MMP25: variants seen among roughly 807,000 people sequenced by gnomAD.
MMP25 encodes matrix metalloproteinase-25.
Under a neutral mutation model 62.1 loss-of-function variants are expected in MMP25, and 68 were observed. The observed-to-expected ratio is 1.10, with a 90% CI of 0.90 to 1.34. The LOEUF is 1.34. Among genes scored for constraint, MMP25 ranks in the 40% most tolerant of loss-of-function variants. The pLI, the probability that MMP25 is intolerant of heterozygous loss-of-function variation, is 0.00. For synonymous variants in MMP25, 407 were observed against 345.6 expected (o/e 1.18, Z -1.97); for missense variants, 942 against 792.5 (o/e 1.19, Z -2.26).
At chr16:3,055,863 G>A (rs984273349) in intron 4 of MMP25, 39 of 455,386 alleles carry the variant, frequency 8.6e-5, no homozygotes, top group African/African-American at 2.8e-4. Flanking sequence ...GCTGGCAGGC[G>A]GCTCACCGGT....
chr16:3,049,451 G>A (rs570236976), intron 2 of MMP25, among the ~76,000 whole-genome samples: 7 of 152,286 alleles, frequency 4.6e-5, no homozygotes, highest in Non-Finnish European at 5.9e-5. Flanking sequence ...TAAATGAGGC[G>A]CAGTTTGACC....
chr16:3,057,037 C>A lies in MMP25; in HGVS notation c.666C>A (p.Gly222=). The change falls in exon 5 of 10, where the codon GGC becomes GGA. Residue 222 remains glycine (G), a synonymous_variant. Coordinates refer to ENST00000336577, the MANE Select transcript of MMP25 (RefSeq NM_022468.5). ...CTCACCCACTTTCTCCTGCAGACGG[C>A]GAGGGGACCGACCTGTTTGCCGTGG... ...EETWTFGSKD[G]EGTDLFAVAV... is the part of the protein sequence containing the mutation. The A allele has an allele frequency of 6.4e-7, 1 of 1,570,006 alleles. No homozygotes were observed. The highest frequency in any genetic ancestry group is 2.3e-5 in the East Asian group (1 of 44,314).
chr16:3,057,402 C>T lies in MMP25; in HGVS notation c.923+8C>T, dbSNP rs755494958. On this transcript the variant is annotated splice_region_variant and intron_variant, in intron 6 of 9. Coordinates refer to ENST00000336577, the MANE Select transcript of MMP25 (RefSeq NM_022468.5). ...GGCCTCGCCCACACACAGGTGAGTCCCCCACCAACTCGGAGACCTTGGGTG... is the reference window on the plus strand; with the variant it reads ...GGCCTCGCCCACACACAGGTGAGTCTCCCACCAACTCGGAGACCTTGGGTG... The T allele has an allele frequency of 6.2e-7, 1 of 1,609,900 alleles. No individual in the cohort carries two copies. Among genetic ancestry groups the T allele is most frequent in the Non-Finnish European group, 8.5e-7 (1 of 1,177,286 alleles).
In MMP25 at chr16:3,048,074, G is replaced by C. The variant is rs911502560; in HGVS notation, c.232+527G>C. ...GGCTGGTTTCGAACTCCTGGCCTCAGGTAACCCGCCGGCCTTGGCCTCCCA... is the reference window on the plus strand; with the variant it reads ...GGCTGGTTTCGAACTCCTGGCCTCACGTAACCCGCCGGCCTTGGCCTCCCA... On this transcript the variant is annotated intron_variant, in intron 2 of 9. Transcript: ENST00000336577. Among the ~76,000 whole-genome samples, 4 of 152,160 alleles carry C rather than the reference G, an allele frequency of 2.6e-5. No individual in the cohort carries two copies. In the East Asian group the frequency reaches 7.7e-4, roughly 29 times the overall value.
chr16:3,051,197 ATG>A lies in MMP25; in HGVS notation c.661+665_661+666del, dbSNP rs554206179. The A allele has an allele frequency of 1.1e-3, 160 of 150,746 alleles. 1 individual carries two copies. Among genetic ancestry groups the A allele is most frequent in the Middle Eastern group, 6.8e-3 (2 of 294 alleles). 9.3% of individuals were successfully genotyped at this position (150,746 alleles called of 1,614,324 possible). A position where few individuals can be genotyped will look rare whatever the true frequency, so the allele number is the denominator to read the frequency against. ...GTGTGTGTGTGCACGTGTGTGTGGG[ATG>A]TGTGTGTGTGTGTATGTGTGTGGGG... On this transcript the variant is annotated intron_variant, in intron 4 of 9. Coordinates refer to ENST00000336577, the MANE Select transcript of MMP25 (RefSeq NM_022468.5).
At position 3,059,316 on chromosome 16, in the gene MMP25, C is replaced by A; in HGVS notation, c.*218C>A. On this transcript the variant is annotated 3_prime_UTR_variant, in exon 10 of 10. Transcript: ENST00000336577. ...TCAGTCTCCTCAGGGTCTGAGACCC[C>A]GGCGCTGCCACCGGAACCCGCCTTC... The A allele has an allele frequency of 2.2e-6, 1 of 451,798 alleles. No individual in the cohort carries two copies. The allele number at this position is 451,798 out of a possible 1,614,324, so 28.0% of individuals were successfully genotyped here. A position where few individuals can be genotyped will look rare whatever the true frequency, so the allele number is the denominator to read the frequency against.
rs1955826670 is a variant in MMP25 at position 3,046,835 on chromosome 16, C to G, written c.-83C>G. On this transcript the variant is annotated 5_prime_UTR_variant, in exon 1 of 10. Transcript: ENST00000336577. ...CGGGTGCCCCCCGCCCTCTCCAGGC[C>G]CGGATCTCCTCCCCCAGGTCCCCGG... The G allele has an allele frequency of 2.6e-6, 2 of 757,768 alleles. No homozygotes were observed. Among genetic ancestry groups the G allele is most frequent in the African/African-American group, 3.7e-5 (2 of 53,384 alleles). 46.9% of individuals were successfully genotyped at this position (757,768 alleles called of 1,614,324 possible). A position where few individuals can be genotyped will look rare whatever the true frequency, so the allele number is the denominator to read the frequency against.
At position 3,059,081 on chromosome 16, in the gene MMP25, G is replaced by T; in HGVS notation, c.1672G>T (p.Gly558Cys). 1 of 1,545,710 alleles carries T rather than the reference G, an allele frequency of 6.5e-7. No individual in the cohort carries two copies. Among genetic ancestry groups the T allele is most frequent in the Non-Finnish European group, 8.7e-7 (1 of 1,143,582 alleles). ...GCTCCTCTTGCCCCTGCTGGTGGGG[G>T]GTGTAGCCTCCCGCTGATGGGGGGA... ...PLLLLPLLVG[G>C]VASR Residue 558 changes from glycine to cysteine, a missense_variant, in exon 10 of 10, where the codon GGT (glycine) becomes TGT (cysteine). Transcript: ENST00000336577.
At position 3,059,368 on chromosome 16, in the gene MMP25, C is replaced by A. The variant is rs1013326009; in HGVS notation, c.*270C>A. 2.9e-6 allele frequency: 1 copy of A among 348,280 alleles called. No homozygotes were observed. The highest frequency in any genetic ancestry group is 5.1e-6 in the Non-Finnish European group (1 of 196,116). 21.6% of individuals were successfully genotyped at this position (348,280 alleles called of 1,614,324 possible). A position where few individuals can be genotyped will look rare whatever the true frequency, so the allele number is the denominator to read the frequency against. On this transcript the variant is annotated 3_prime_UTR_variant, in exon 10 of 10. Coordinates refer to ENST00000336577, the MANE Select transcript of MMP25 (RefSeq NM_022468.5). The stretch of plus-strand genomic sequence containing the variant: ...GGGGCGCACGCGCGCTGGGACCATG[C>A]GTCGGTCGTCGCCCCCGTCGTTCCC...
At chr16:3,049,090 G>T (rs1167643666) in intron 2 of MMP25, among the ~76,000 whole-genome samples, 1 of 151,992 alleles carries the variant, frequency 6.6e-6, no homozygotes, top group Non-Finnish European at 1.5e-5. Context: ...TTACAGGCAT[G>T]AGCCACCGTG....
Position 3,058,026 on chromosome 16 carries a change from G to T in MMP25, c.1007-155G>T, listed in dbSNP as rs1268489585. ...CCCTGGCACTTTTAGCGCTAAAAAG[G>T]GAAAAGTCTCAGGCGGGCCAGGATG... On this transcript the variant is annotated intron_variant, in intron 7 of 9. Coordinates refer to ENST00000336577, the MANE Select transcript of MMP25 (RefSeq NM_022468.5). The T allele has an allele frequency of 3.5e-6, 3 of 865,986 alleles. No homozygotes were observed. In the African/African-American group the frequency reaches 5.3e-5, roughly 15 times the overall value. The allele number at this position is 865,986 out of a possible 1,614,324, so 53.6% of individuals were successfully genotyped here.
chr16:3,057,422 T>A (rs1180857058), intron 6 of MMP25, 28 bp downstream of exon 6: 1 of 1,606,336 alleles, frequency 6.2e-7, no homozygotes, highest in East Asian at 2.2e-5. Context: ...TCGGAGACCT[T>A]GGGTGACCAG....
intron 2 of MMP25, 104 bp downstream of exon 2, chr16:3,047,651 G>A (rs755610593): frequency 6.0e-6 from 8 of 1,336,078 alleles, no homozygotes; most frequent in Non-Finnish European, 8.2e-6. Flanking sequence ...GAGCTGTGAA[G>A]ATGCTGATCT....
At chr16:3,049,450 C>G (rs550212570) in intron 2 of MMP25, among the ~76,000 whole-genome samples, 1 of 152,136 alleles carries the variant, frequency 6.6e-6, no homozygotes, top group Non-Finnish European at 1.5e-5. Flanking sequence ...ATAAATGAGG[C>G]GCAGTTTGAC....
In MMP25 at chr16:3,057,047, G is replaced by A. The variant is rs61747718; in HGVS notation, c.676G>A (p.Asp226Asn). The A allele has an allele frequency of 6.4e-3, 10,093 of 1,587,178 alleles. 488 individuals are homozygous for A. In the African/African-American group the frequency reaches 0.11, roughly 18 times the overall value. ...TTCTCCTGCAGACGGCGAGGGGACC[G>A]ACCTGTTTGCCGTGGCTGTCCATGA... ...TFGSKDGEGT[D>N]LFAVAVHEFG... Residue 226 changes from aspartate (D) to asparagine (N), a missense_variant, in exon 5 of 10, where the codon GAC becomes AAC. By Grantham distance (23) the Asp-to-Asn change is conservative. Transcript: ENST00000336577.
intron 4 of MMP25, 97 bp from the exon 5 acceptor site, chr16:3,056,936 G>T: frequency 7.4e-7 from 1 of 1,349,484 alleles, no homozygotes; most frequent in Non-Finnish European, 1.0e-6. Context: ...AGGGTGTCCT[G>T]CTGTTCCTGT....
At chr16:3,056,398 T>C (rs1312715814) in intron 4 of MMP25, among the ~76,000 whole-genome samples, 2 of 151,594 alleles carry the variant, frequency 1.3e-5, no homozygotes, top group African/African-American at 4.9e-5. Context: ...TTTTTCTTTT[T>C]TTTTCTTTTT....
Position 3,058,333 on chromosome 16 carries a change from G to C in MMP25, c.1159G>C (p.Gly387Arg). Residue 387 changes from glycine (G) to arginine (R), a missense_variant and splice_region_variant, in exon 8 of 10, where the codon GGG becomes CGG. Coordinates refer to ENST00000336577, the MANE Select transcript of MMP25 (RefSeq NM_022468.5). The stretch of plus-strand genomic sequence containing the variant: ...AGACGGCCGAATCCTCCTCTTTAGC[G>C]GTGAGTGGGGCCGGCGGCGGGGCGC... Reference protein sequence around the residue: ...HRDGRILLFSGPQFWVFQDRQ... With the variant: ...HRDGRILLFSRPQFWVFQDRQ... The C allele has an allele frequency of 1.3e-6, 2 of 1,563,218 alleles. No homozygotes were observed. Among genetic ancestry groups the C allele is most frequent in the Non-Finnish European group, 1.7e-6 (2 of 1,157,136 alleles).
At position 3,058,550 on chromosome 16, in the gene MMP25, G is replaced by A. The variant is rs1956056745; in HGVS notation, c.1298G>A (p.Gly433Asp). Residue 433 changes from glycine (G) to aspartate (D), a missense_variant, in exon 9 of 10, where the codon GGC (glycine) becomes GAC (aspartate). By Grantham distance (94) the Gly-to-Asp change is moderately conservative (BLOSUM62 -1). Transcript: ENST00000336577. Reference sequence around the variant, plus strand: ...AACGGGAAGACCTACCTGGTCCGCGGCCGGCAGTACTGGCGCTACGACGAG... The same window carrying A: ...AACGGGAAGACCTACCTGGTCCGCGACCGGCAGTACTGGCGCTACGACGAG... Reference protein sequence around the residue: ...PQNGKTYLVRGRQYWRYDEAA... With the variant: ...PQNGKTYLVRDRQYWRYDEAA... The A allele has an allele frequency of 2.5e-6, 4 of 1,610,948 alleles. No homozygotes were observed. The highest frequency in any genetic ancestry group is 3.4e-6 in the Non-Finnish European group (4 of 1,179,308).
Sources: gnomAD v4.1 joint callset for allele counts (sites outside exome capture counted in the v4.1 genomes callset) on GRCh38, gnomAD v4.1.1 for gene constraint, MANE v1.5 for transcripts, NCBI Gene and HGNC (gene_info 2026-07-23, HGNC 2026-07-21) for gene names.